The following P4HA2 variants were observed in gnomAD, a reference collection of about 807,000 sequenced individuals.
P4HA2 encodes the protein prolyl 4-hydroxylase subunit alpha 2, also known as prolyl 4-hydroxylase subunit alpha-2.
In P4HA2, 46 loss-of-function variants were observed where a neutral mutation model predicts 76.9. That is an observed-to-expected ratio of 0.60 (90% CI 0.47 to 0.76). The LOEUF is 0.76. Among genes scored for constraint, P4HA2 ranks in the 30% least tolerant of loss-of-function variants. P4HA2 has a pLI of 0.00. For missense variants in P4HA2, 583 were observed against 669.4 expected (o/e 0.87, Z 1.42); for synonymous variants, 243 against 254.0 (o/e 0.96, Z 0.41).
rs760763197 is a variant in P4HA2 at position 132,198,915 on chromosome 5, C to T, written c.1269G>A (p.Val423=). The T allele has an allele frequency of 6.2e-7, 1 of 1,612,530 alleles. No homozygotes were observed. The highest frequency in any genetic ancestry group is 2.2e-5 in the East Asian group (1 of 44,872). The part of the protein sequence containing the change: ...AELLQVANYG[V]GGQYEPHFDF... ...CGAAGTGCGGTTCATACTGTCCTCC[C>T]ACTCCATAATTTGCAACCTGTGGGA... Residue 423 remains valine, a synonymous_variant, in exon 11 of 15, where the codon GTG becomes GTA. Transcript: ENST00000360568.
chr5:132,194,498 G>A (rs1340972022), intron 14 of P4HA2, among the ~76,000 whole-genome samples: 1 of 152,062 alleles, frequency 6.6e-6, no homozygotes, highest in African/African-American at 2.4e-5. Flanking sequence ...TGTGCCACAG[G>A]CCTCCCTTTC....
At chr5:132,217,997 G>T in intron 2 of P4HA2, 149 bp from the exon 3 acceptor site, 1 of 567,838 alleles carries the variant, frequency 1.8e-6, no homozygotes, top group South Asian at 2.4e-5. Flanking sequence ...TGGAGTTAAA[G>T]GGGGCCTAGG....
intron 14 of P4HA2, chr5:132,193,289 T>C (rs1750123190): frequency 5.8e-6 from 3 of 515,410 alleles, no homozygotes; most frequent in Admixed American, 3.3e-5. Flanking sequence ...TGGGACAAGA[T>C]ACATGTGTGC....
At chr5:132,208,517 A>G (rs567927615) in intron 7 of P4HA2, among the ~76,000 whole-genome samples, 1 of 150,632 alleles carries the variant, frequency 6.6e-6, no homozygotes, top group Non-Finnish European at 1.5e-5. Flanking sequence ...AAATCATGCA[A>G]TTTTTCTTCT....
chr5:132,223,413 C>A (rs1189749756), intron 1 of P4HA2, among the ~76,000 whole-genome samples: 2 of 152,200 alleles, frequency 1.3e-5, no homozygotes, highest in East Asian at 3.8e-4. Context: ...CAGGTGTGTG[C>A]CACCATGCCC....
At chr5:132,224,958 T>A (rs1755153107) in intron 1 of P4HA2, among the ~76,000 whole-genome samples, 1 of 145,374 alleles carries the variant, frequency 6.9e-6, no homozygotes, top group South Asian at 2.2e-4. Context: ...AAACACTTAA[T>A]CCTCTGCCCT....
rs772200346 is a variant in P4HA2 at position 132,217,344 on chromosome 5, C to T, written c.184G>A (p.Ala62Thr). ...CTAGTCAAGGCTTCCATTTTGTTGG[C>T]CCAGCTGTGGAACCAGAGGAAAAGG... is the stretch of plus-strand genomic sequence containing the variant. Reference protein sequence around the residue: ...EAKLSKIKSWANKMEALTSKS... With the variant: ...EAKLSKIKSWTNKMEALTSKS... The change falls in exon 4 of 15, where the codon GCC (alanine) becomes ACC (threonine). Residue 62 changes from alanine (A) to threonine (T), a missense_variant. By Grantham distance (58) the Ala-to-Thr change is moderately conservative. Coordinates refer to ENST00000360568, the MANE Select transcript of P4HA2 (RefSeq NM_001017974.2). 3.1e-6 allele frequency: 5 copies of T among 1,614,068 alleles called. No homozygotes were observed. The South Asian group carries it at 4.4e-5, about 14-fold the overall frequency.
chr5:132,221,394 C>A (rs1178392255), intron 1 of P4HA2, among the ~76,000 whole-genome samples: 4 of 152,092 alleles, frequency 2.6e-5, no homozygotes, highest in African/African-American at 9.7e-5. Flanking sequence ...AGGAACACAA[C>A]AAAAAATACT....
At chr5:132,195,817 C>T (rs1750553693) in intron 12 of P4HA2, 1 of 373,436 alleles carries the variant, frequency 2.7e-6, no homozygotes, top group Non-Finnish European at 5.1e-6. Context: ...CTAGCCTTGG[C>T]CTTGCCTAAG....
At chr5:132,219,785 C>T (rs895210594) in intron 1 of P4HA2, among the ~76,000 whole-genome samples, 1 of 152,186 alleles carries the variant, frequency 6.6e-6, no homozygotes, top group Middle Eastern at 3.4e-3. Context: ...GTTTTTTGCC[C>T]GCCATACTTG....
At chr5:132,201,812 G>T (rs1394876854) in intron 10 of P4HA2, 2 of 152,216 alleles carry the variant, frequency 1.3e-5, no homozygotes, top group African/African-American at 4.8e-5. Context: ...TTCCACGGGT[G>T]AGTGTAAGAC....
At chr5:132,226,896 G>C (rs201091232) in intron 1 of P4HA2, 3 of 152,638 alleles carry the variant, frequency 2.0e-5, no homozygotes, top group African/African-American at 7.2e-5. Context: ...AAGGCCATAA[G>C]GAATGGCATT....
chr5:132,223,832 G>A (rs1159613341), intron 1 of P4HA2, among the ~76,000 whole-genome samples: 3 of 152,296 alleles, frequency 2.0e-5, no homozygotes, highest in East Asian at 3.9e-4. Context: ...ACATCTGACA[G>A]CAAATCAATG....
intron 14 of P4HA2, among the ~76,000 whole-genome samples, chr5:132,194,555 G>A (rs1000196486): frequency 2.6e-5 from 4 of 151,646 alleles, no homozygotes; most frequent in Non-Finnish European, 4.4e-5. Flanking sequence ...GCTGGTTTTA[G>A]CCTGTGCCTC....
Position 132,219,318 on chromosome 5 carries a change from G to A in P4HA2, c.-18-674C>T, listed in dbSNP as rs148752336. ...TGGCAGACACTGTTCTCACTGGCCC[G>A]TCACCATTCATTCACAAATATTTAC... On this transcript the variant is annotated intron_variant, in intron 1 of 14. Coordinates refer to ENST00000360568, the MANE Select transcript of P4HA2 (RefSeq NM_001017974.2). 6.1e-4 allele frequency among the ~76,000 whole-genome samples: 93 copies of A among 152,266 alleles called. 2 individuals carry two copies. The South Asian group carries it at 9.3e-3, about 15-fold the overall frequency.
intron 4 of P4HA2, 84 bp from the exon 5 acceptor site, chr5:132,214,137 G>A: frequency 1.4e-6 from 2 of 1,410,246 alleles, no homozygotes. Context: ...GCCACAAAGA[G>A]GGTCTCTGGC....
chr5:132,218,160 TATC>T (rs1754184717), intron 2 of P4HA2, among the ~76,000 whole-genome samples: 1 of 152,164 alleles, frequency 6.6e-6, no homozygotes, highest in Non-Finnish European at 1.5e-5. Flanking sequence ...GGGGCATGGA[TATC>T]CTGGGGGCTC....
At chr5:132,195,137 C>T in intron 13 of P4HA2, 115 bp from the exon 14 acceptor site, 4 of 740,370 alleles carry the variant, frequency 5.4e-6, no homozygotes, top group Non-Finnish European at 4.8e-6. Context: ...TTCCCATGGA[C>T]AGGGGATAGG....
Position 132,207,831 on chromosome 5 carries a change from G to C in P4HA2, c.957C>G (p.Ala319=), listed in dbSNP as rs905086830. Residue 319 remains alanine (A), a synonymous_variant, in exon 8 of 15, where the codon GCC becomes GCG. Transcript: ENST00000360568. Reference sequence around the variant, plus strand: ...TGAAGGGGGCAATGAGCAGCTGTGGGGCCCTGTTGCCATGGTGGTACCTAC... The same window carrying C: ...TGAAGGGGGCAATGAGCAGCTGTGGCGCCCTGTTGCCATGGTGGTACCTAC... The part of the protein sequence containing the change: ...LFCRYHHGNR[A]PQLLIAPFKE... 1 of 1,608,212 alleles carries C rather than the reference G, an allele frequency of 6.2e-7. No homozygotes were observed. Among genetic ancestry groups the C allele is most frequent in the Non-Finnish European group, 8.5e-7 (1 of 1,177,276 alleles).
Sources: allele counts gnomAD v4.1 joint callset (sites outside exome capture counted in the v4.1 genomes callset), GRCh38; gene constraint gnomAD v4.1.1; transcripts MANE v1.5; gene names NCBI Gene and HGNC (gene_info 2026-07-23, HGNC 2026-07-21).